COL7A1: variants seen among roughly 807,000 people sequenced by gnomAD.
COL7A1 encodes collagen type VII alpha 1 chain.
Under a neutral mutation model 456.2 loss-of-function variants are expected in COL7A1, and 296 were observed. The observed-to-expected ratio is 0.65, with a 90% CI of 0.59 to 0.71. The LOEUF is 0.71. COL7A1 is among the 30% of genes least tolerant of loss of function. The pLI is 0.00. For missense variants in COL7A1, 3,441 were observed against 4,017.2 expected (o/e 0.86, Z 3.88); for synonymous variants, 1,464 against 1,525.9 (o/e 0.96, Z 0.95).
In COL7A1 at chr3:48,574,218, G is replaced by A. The variant is rs202222548; in HGVS notation, c.6501+44C>T. On this transcript the variant is annotated intron_variant, in intron 80 of 118. Coordinates refer to ENST00000681320, the MANE Select transcript of COL7A1 (RefSeq NM_000094.4). The surrounding 1 kb of genome is among the most constrained non-coding windows in gnomAD (Gnocchi z 5.0). The stretch of plus-strand genomic sequence containing the variant: ...ACACACAGCAGCAGCAGCACCTAGC[G>A]GAGGGTCCGGAGCCTGGGGCCAGGT... The A allele has an allele frequency of 4.9e-4, 796 of 1,611,416 alleles. 5 individuals are homozygous for A. In the African/African-American group the frequency reaches 8.9e-3, roughly 18 times the overall value.
intron 65 of COL7A1, among the ~76,000 whole-genome samples, chr3:48,577,632 C>A (rs370122024): frequency 6.6e-6 from 1 of 152,210 alleles, no homozygotes; most frequent in Admixed American, 6.5e-5. Flanking sequence ...GGTCCACATG[C>A]GGTCTTGGGT....
In COL7A1 at chr3:48,572,310, A is replaced by G. The variant is rs878899759; in HGVS notation, c.6978+70T>C. The G allele has an allele frequency of 5.6e-6, 9 of 1,613,580 alleles. No individual in the cohort carries two copies. In the East Asian group the frequency reaches 1.3e-4, roughly 24 times the overall value. ...ATGAGGGTGGGTAAACTATGGGTCG[A>G]AGGTCAGAAGTTAGGCCACTGGAGA... On this transcript the variant is annotated intron_variant, in intron 90 of 118. Coordinates refer to ENST00000681320, the MANE Select transcript of COL7A1 (RefSeq NM_000094.4). The surrounding 1 kb of genome is among the most constrained non-coding windows in gnomAD (Gnocchi z 4.6).
At position 48,570,659 on chromosome 3, in the gene COL7A1, G is replaced by T. The variant is rs2043854356; in HGVS notation, c.7324C>A (p.Pro2442Thr). The T allele has an allele frequency of 6.3e-7, 1 of 1,597,574 alleles. No individual in the cohort carries two copies. The highest frequency in any genetic ancestry group is 2.3e-5 in the East Asian group (1 of 44,096). The change falls in exon 96 of 119, where the codon CCT (proline) becomes ACT (threonine). Residue 2442 changes from proline (P) to threonine (T), a missense_variant. Pro to Thr is a conservative substitution (Grantham distance 38, BLOSUM62 -1). Transcript: ENST00000681320. The surrounding 1 kb of genome is among the most constrained non-coding windows in gnomAD (Gnocchi z 5.5). The stretch of plus-strand genomic sequence containing the variant: ...CTCACCACTGACCCCGGTGGTCCAG[G>T]TGGCCCCAGGGGTCCTGGGATTCCT... ...REGIPGPLGP[P>T]GPPGSVGPPG...
chr3:48,593,196 G>A lies in COL7A1; in HGVS notation c.588C>T (p.Phe196=), dbSNP rs1260097160. 1 of 1,613,970 alleles carries A rather than the reference G, an allele frequency of 6.2e-7. No homozygotes were observed. Among genetic ancestry groups the A allele is most frequent in the Admixed American group, 1.7e-5 (1 of 60,006 alleles). ...VASQPTSDFF[F]FVNDFSILRT... ...TCAAGATGCTGAAGTCATTGACGAA[G>A]AAGAAGAAGTCACTGGTGGGCTGTG... Residue 196 remains phenylalanine, a synonymous_variant, in exon 6 of 119, where the codon TTC becomes TTT. Transcript: ENST00000681320. The surrounding 1 kb of genome is among the most constrained non-coding windows in gnomAD (Gnocchi z 4.4).
chr3:48,584,175 G>A (rs1009695088), intron 37 of COL7A1, 114 bp from the exon 38 acceptor site: 2 of 1,583,286 alleles, frequency 1.3e-6, no homozygotes, highest in African/African-American at 2.7e-5. Flanking sequence ...GGAGAACTGA[G>A]GCGTCATGGT....
In COL7A1 at chr3:48,577,027, C is replaced by T; in HGVS notation, c.5533G>A (p.Gly1845Arg). Residue 1845 changes from glycine (G) to arginine (R), a missense_variant and splice_region_variant, in exon 66 of 119, where the codon GGA becomes AGA. By Grantham distance (125) the Gly-to-Arg change is moderately radical. Around this residue, in one of 3 missense-constraint regions of COL7A1, gnomAD observed 2,084 missense variants for 2,501.3 expected, o/e 0.83. Coordinates refer to ENST00000681320, the MANE Select transcript of COL7A1 (RefSeq NM_000094.4). ...TCTTCTCCAGGGTCCCCAGGTTCTC[C>T]CTGTGGGCAGAGGACTCACATCAGC... is the stretch of plus-strand genomic sequence containing the variant. Reference protein sequence around the residue: ...DGKPGLNGKNGEPGDPGEDGR... With the variant: ...DGKPGLNGKNREPGDPGEDGR... 1 of 1,613,954 alleles carries T rather than the reference C, an allele frequency of 6.2e-7. No homozygotes were observed. Among genetic ancestry groups the T allele is most frequent in the Non-Finnish European group, 8.5e-7 (1 of 1,180,046 alleles).
rs531049364 is a variant in COL7A1 at position 48,573,794 on chromosome 3, C to T, written c.6537+61G>A. 27 of 1,613,972 alleles carry T rather than the reference C, an allele frequency of 1.7e-5. No homozygotes were observed. In the East Asian group the frequency reaches 6.0e-4, roughly 36 times the overall value. On this transcript the variant is annotated intron_variant, in intron 81 of 118. Transcript: ENST00000681320. The surrounding 1 kb of genome is among the most constrained non-coding windows in gnomAD (Gnocchi z 5.5). ...CCCCACCAAGGAAACTGAGGCAGTA[C>T]TGGTCACTGGGGCAGGGCACAGGAT...
rs559661393 is a variant in COL7A1 at position 48,567,252 on chromosome 3, C to G, written c.8047-62G>C. ...GACCTCCCTCAGCTCTGGAACCTCC[C>G]TGAACTCCCATGAGCTCCCTGGCCT... On this transcript the variant is annotated intron_variant, in intron 109 of 118. Coordinates refer to ENST00000681320, the MANE Select transcript of COL7A1 (RefSeq NM_000094.4). The surrounding 1 kb of genome is among the most constrained non-coding windows in gnomAD (Gnocchi z 4.3). 8.1e-6 allele frequency: 13 copies of G among 1,595,906 alleles called. No individual in the cohort carries two copies. The South Asian group carries it at 8.8e-5, about 11-fold the overall frequency.
In COL7A1 at chr3:48,578,471, A is replaced by T. The variant is rs1237257986; in HGVS notation, c.5469T>A (p.Ser1823=). 6.2e-7 allele frequency: 1 copy of T among 1,612,978 alleles called. No homozygotes were observed. Among genetic ancestry groups the T allele is most frequent in the African/African-American group, 1.3e-5 (1 of 75,032 alleles). ...LRGEQGLPGP[S]GPPGLPGKPG... ...GTCTCACCGGTAATCCAGGGGGACC[A>T]GAGGGGCCAGGGAGGCCCTGTTCTC... The change falls in exon 64 of 119, where the codon TCT becomes TCA. Residue 1823 remains serine, a synonymous_variant. Coordinates refer to ENST00000681320, the MANE Select transcript of COL7A1 (RefSeq NM_000094.4). This position sits in a 1 kb window ranked among gnomAD's most constrained non-coding sequence, Gnocchi z 4.7.
At position 48,581,168 on chromosome 3, in the gene COL7A1, T is replaced by C. The variant is rs200558083; in HGVS notation, c.4900-11A>G. ...CTCTCCAACTTCACCCTGTGAAACA[T>C]GAGAGTCAGCCCTGGTTCCAAGAAC... On this transcript the variant is annotated splice_polypyrimidine_tract_variant and intron_variant, in intron 52 of 118. Transcript: ENST00000681320. This position sits in a 1 kb window ranked among gnomAD's most constrained non-coding sequence, Gnocchi z 5.8. 4 of 1,613,462 alleles carry C rather than the reference T, an allele frequency of 2.5e-6. No homozygotes were observed. In the East Asian group the frequency reaches 8.9e-5, roughly 36 times the overall value.
At position 48,586,306 on chromosome 3, in the gene COL7A1, C is replaced by T. The variant is rs1450700686; in HGVS notation, c.3550+26G>A. On this transcript the variant is annotated intron_variant, in intron 27 of 118. Transcript: ENST00000681320. The surrounding 1 kb of genome is among the most constrained non-coding windows in gnomAD (Gnocchi z 5.1). ...TTCAGGGCCACCCCTATTCCCAGAC[C>T]CCTTCCCCATCAGCCTACTCCTTAC... 5.0e-6 allele frequency: 8 copies of T among 1,613,686 alleles called. No homozygotes were observed. Among genetic ancestry groups the T allele is most frequent in the South Asian group, 1.1e-5 (1 of 91,092 alleles).
In COL7A1 at chr3:48,594,992, G is replaced by A. The variant is rs2045976981; in HGVS notation, c.85+83C>T. The A allele has an allele frequency of 1.8e-6, 2 of 1,128,974 alleles. No individual in the cohort carries two copies. The highest frequency in any genetic ancestry group is 1.5e-5 in the African/African-American group (1 of 64,954). The allele number at this position is 1,128,974 out of a possible 1,614,324, so 69.9% of individuals were successfully genotyped here. On this transcript the variant is annotated intron_variant, in intron 2 of 118. Coordinates refer to ENST00000681320, the MANE Select transcript of COL7A1 (RefSeq NM_000094.4). The surrounding 1 kb of genome is among the most constrained non-coding windows in gnomAD (Gnocchi z 5.5). ...GTGGAGTTGGCTGGGTTGTGGGCGG[G>A]GGGTGTTGGGGATGAAGGCCGAGTG... is the stretch of plus-strand genomic sequence containing the variant.
rs1210237099 is a variant in COL7A1, at chr3:48,565,467, C to T, written c.8470G>A (p.Ala2824Thr). The change falls in exon 116 of 119, where the codon GCC becomes ACC. Residue 2824 changes from alanine to threonine, a missense_variant. Transcript: ENST00000681320. The surrounding 1 kb of genome is among the most constrained non-coding windows in gnomAD (Gnocchi z 4.5). The stretch of plus-strand genomic sequence containing the variant: ...GGCACAGCATGGAGCTGGGAGCCGG[C>T]AGTGTCTGCAGCATAACTAGGGAGG... ...RPLPSYAADTAGSQLHAVPVL... is the reference protein window; with the variant it reads ...RPLPSYAADTTGSQLHAVPVL... The T allele has an allele frequency of 6.2e-7, 1 of 1,613,356 alleles. No homozygotes were observed. The highest frequency in any genetic ancestry group is 8.5e-7 in the Non-Finnish European group (1 of 1,179,636).
rs1233025207 is a variant in COL7A1 at position 48,571,150 on chromosome 3, C to A, written c.7115G>T (p.Gly2372Val). 5 of 1,614,096 alleles carry A rather than the reference C, an allele frequency of 3.1e-6. No individual in the cohort carries two copies. In the South Asian group the frequency reaches 5.5e-5, roughly 18 times the overall value. ...PGPKGFKGDP[G>V]VGVPGSPGPP... The stretch of plus-strand genomic sequence containing the variant: ...CCCAGGGGAGCCCGGGACCCCGACT[C>A]CTGGGTCACCCTTTGAGGAAAAGAG... Residue 2372 changes from glycine (G) to valine (V), a missense_variant, in exon 94 of 119, where the codon GGA becomes GTA. By Grantham distance (109) the Gly-to-Val change is moderately radical. This residue lies in a region of COL7A1 where 2,084 missense variants were observed against 2,501.3 expected (regional missense o/e 0.83). Transcript: ENST00000681320. This position sits in a 1 kb window ranked among gnomAD's most constrained non-coding sequence, Gnocchi z 4.6.
Position 48,592,770 on chromosome 3 carries a change from C to T in COL7A1, c.846+5G>A, listed in dbSNP as rs2045798214. 6.2e-7 allele frequency: 1 copy of T among 1,613,506 alleles called. No homozygotes were observed. Among genetic ancestry groups the T allele is most frequent in the Admixed American group, 1.7e-5 (1 of 60,016 alleles). On this transcript the variant is annotated splice_donor_5th_base_variant and intron_variant, in intron 7 of 118. Coordinates refer to ENST00000681320, the MANE Select transcript of COL7A1 (RefSeq NM_000094.4). The surrounding 1 kb of genome is among the most constrained non-coding windows in gnomAD (Gnocchi z 7.6). ...AGCCACCACCTATCACTCCTGACAT[C>T]CTACCTCCTGCCGCTCACTCGGCAG...
rs1360463799 is a variant in COL7A1, at chr3:48,574,990, T to C, written c.6279+74A>G. 3 of 1,573,522 alleles carry C rather than the reference T, an allele frequency of 1.9e-6. No homozygotes were observed. The East Asian group carries it at 6.7e-5, about 35-fold the overall frequency. ...TCCAGGGTTATGGCACACACTACCATATTTCTGGGGACCAAGCTAAGGGTG... is the reference window on the plus strand; with the variant it reads ...TCCAGGGTTATGGCACACACTACCACATTTCTGGGGACCAAGCTAAGGGTG... On this transcript the variant is annotated intron_variant, in intron 76 of 118. Transcript: ENST00000681320. The surrounding 1 kb of genome is among the most constrained non-coding windows in gnomAD (Gnocchi z 5.0).
At position 48,575,381 on chromosome 3, in the gene COL7A1, G is replaced by T; in HGVS notation, c.6138C>A (p.Gly2046=). ...CTGCCTCTCCCACACCCCCAGCCCT[G>T]CCTGGGAGCCCGGGAATACCAGGCT... ...PGKPGIPGLP[G]RAGGVGEAGR... The change falls in exon 74 of 119, where the codon GGC becomes GGA. Residue 2046 remains glycine (G), a synonymous_variant. Transcript: ENST00000681320. This position sits in a 1 kb window ranked among gnomAD's most constrained non-coding sequence, Gnocchi z 6.3. The T allele has an allele frequency of 6.2e-7, 1 of 1,601,446 alleles. No individual in the cohort carries two copies. Among genetic ancestry groups the T allele is most frequent in the Non-Finnish European group, 8.5e-7 (1 of 1,173,730 alleles).
chr3:48,575,756 A>T lies in COL7A1; in HGVS notation c.5857-8T>A. ...CTCCCGCAGGGCAGATGCCTGAGGG[A>T]CAGCAAGAGGTCAGAGGAGCGGGGT... On this transcript the variant is annotated splice_polypyrimidine_tract_variant and splice_region_variant and intron_variant, in intron 72 of 118. Coordinates refer to ENST00000681320, the MANE Select transcript of COL7A1 (RefSeq NM_000094.4). This position sits in a 1 kb window ranked among gnomAD's most constrained non-coding sequence, Gnocchi z 6.3. 1 of 1,614,026 alleles carries T rather than the reference A, an allele frequency of 6.2e-7. No individual in the cohort carries two copies. The highest frequency in any genetic ancestry group is 8.5e-7 in the Non-Finnish European group (1 of 1,180,018).
At position 48,585,600 on chromosome 3, in the gene COL7A1, C is replaced by T. The variant is rs759200519; in HGVS notation, c.3851G>A (p.Gly1284Asp). ...PGLPGRTGAP[G>D]PQGPPGSATA... is the part of the protein sequence containing the mutation. ...GGCACTTCCAGGGGGCCCCTGGGGG[C>T]CGGGAGCACCGGTCCTGCCCTGAAA... is the stretch of plus-strand genomic sequence containing the variant. The change falls in exon 32 of 119, where the codon GGC (glycine) becomes GAC (aspartate). Residue 1284 changes from glycine (G) to aspartate (D), a missense_variant. Coordinates refer to ENST00000681320, the MANE Select transcript of COL7A1 (RefSeq NM_000094.4). This position sits in a 1 kb window ranked among gnomAD's most constrained non-coding sequence, Gnocchi z 4.5. 6.2e-7 allele frequency: 1 copy of T among 1,613,990 alleles called. No individual in the cohort carries two copies. Among genetic ancestry groups the T allele is most frequent in the Non-Finnish European group, 8.5e-7 (1 of 1,180,024 alleles).
Sources: allele counts gnomAD v4.1 joint callset (sites outside exome capture counted in the v4.1 genomes callset), GRCh38; gene constraint gnomAD v4.1.1; regional missense constraint gnomAD v4.1.1; non-coding constraint Gnocchi (gnomAD v3.1); transcripts MANE v1.5; gene names NCBI Gene and HGNC (gene_info 2026-07-23, HGNC 2026-07-21).